Variants in SENP7 observed in about 807,000 individuals in gnomAD.
SENP7 encodes sentrin-specific protease 7.
SENP7 carries 64 observed loss-of-function variants against 141.2 expected under a neutral mutation model. The observed-to-expected ratio is 0.45, with a 90% CI of 0.37 to 0.56. The LOEUF is 0.56. Among genes scored for constraint, SENP7 ranks in the 20% least tolerant of loss-of-function variants. The probability of loss-of-function intolerance (pLI) is 0.00; values close to 1 mark genes in which losing one functional copy is unlikely to be tolerated. For missense variants in SENP7, 1,025 were observed against 1,212.2 expected, an observed-to-expected ratio of 0.85 and a Z score of 2.29; for synonymous variants, 382 against 426.4, an observed-to-expected ratio of 0.90 and a Z score of 1.28.
chr3:101,455,527 A>G (rs918066157), intron 4 of SENP7, among the ~76,000 whole-genome samples: 12 of 152,136 alleles, frequency 7.9e-5, no homozygotes, highest in Non-Finnish European at 1.8e-4. Flanking sequence ...GAAGAACAGC[A>G]TAATTTGATT....
chr3:101,510,919 G>A (rs926769736), intron 1 of SENP7, among the ~76,000 whole-genome samples: 5 of 150,064 alleles, frequency 3.3e-5, no homozygotes, highest in African/African-American at 1.2e-4. Flanking sequence ...GCAACTGCAT[G>A]CCTACAACCA....
intron 2 of SENP7, among the ~76,000 whole-genome samples, chr3:101,500,375 C>A (rs1419055385): frequency 2.6e-5 from 4 of 152,026 alleles, no homozygotes; most frequent in Non-Finnish European, 4.4e-5. Context: ...GGCAACATAG[C>A]AAGACCCCTG....
At chr3:101,373,935 A>G (rs773958871) in intron 6 of SENP7, among the ~76,000 whole-genome samples, 9 of 152,222 alleles carry the variant, frequency 5.9e-5, no homozygotes, top group Admixed American at 2.0e-4. Context: ...GTTCCTGAAC[A>G]AGAAATATAA....
intron 5 of SENP7, among the ~76,000 whole-genome samples, chr3:101,413,356 T>C (rs769131841): frequency 6.6e-6 from 1 of 152,182 alleles, no homozygotes; most frequent in Non-Finnish European, 1.5e-5. Context: ...TTTCCTTATT[T>C]GACGCTTGTA....
At chr3:101,378,572 T>C (rs1251168055) in intron 6 of SENP7, among the ~76,000 whole-genome samples, 2 of 151,956 alleles carry the variant, frequency 1.3e-5, no homozygotes, top group Non-Finnish European at 2.9e-5. Context: ...ACAACTACAA[T>C]AGGTGTAGCA....
intron 10 of SENP7, 94 bp downstream of exon 10, chr3:101,364,740 T>A (rs1157479803): frequency 1.1e-6 from 1 of 929,124 alleles, no homozygotes; most frequent in Non-Finnish European, 1.6e-6. Context: ...TTTGTAATTT[T>A]CATTACAATA....
intron 3 of SENP7, among the ~76,000 whole-genome samples, chr3:101,484,452 G>A (rs1038337715): frequency 7.9e-5 from 12 of 152,110 alleles, no homozygotes; most frequent in African/African-American, 2.9e-4. Flanking sequence ...TTTAGCCCCA[G>A]ATCGACAGCA....
At chr3:101,431,508 CTTTTTTTTTTT>C (rs56937965) in intron 4 of SENP7, among the ~76,000 whole-genome samples, 1 of 82,908 alleles carries the variant, frequency 1.2e-5, no homozygotes, top group Non-Finnish European at 2.2e-5. Flanking sequence ...GCAACCCCTG[CTTTTTTTTTTT>C]TTTTTTTTTT....
At chr3:101,409,057 A>G (rs912345396) in intron 5 of SENP7, among the ~76,000 whole-genome samples, 2 of 152,220 alleles carry the variant, frequency 1.3e-5, no homozygotes, top group African/African-American at 4.8e-5. Context: ...GAAAACTCCT[A>G]GAACTGATAA....
chr3:101,399,830 T>C (rs2061081048), intron 5 of SENP7, among the ~76,000 whole-genome samples: 1 of 152,190 alleles, frequency 6.6e-6, no homozygotes, highest in Admixed American at 6.5e-5. Flanking sequence ...CTCATTATGT[T>C]GTCCAGGCTG....
At position 101,340,558 on chromosome 3, in the gene SENP7, A is replaced by G. The variant is rs2059302894; in HGVS notation, c.2241-347T>C. 1.7e-5 allele frequency: 3 copies of G among 180,340 alleles called. No homozygotes were observed. The South Asian group carries it at 4.2e-4, about 25-fold the overall frequency. The allele number at this position is 180,340 out of a possible 1,614,324, so 11.2% of individuals were successfully genotyped here. ...ATAATTTTTAACTTTGAATAAACTG[A>G]TGTAATAAAATATAGCTTTTCCTTT... On this transcript the variant is annotated intron_variant, in intron 15 of 23. Transcript: ENST00000394095.
intron 11 of SENP7, 25 bp from the exon 12 acceptor site, chr3:101,351,676 CAAT>C (rs750243655): frequency 3.0e-6 from 4 of 1,323,630 alleles, no homozygotes; most frequent in African/African-American, 1.5e-5. Context: ...AAAAAGCAAA[CAAT>C]GAGTTACCAC....
chr3:101,455,827 C>G (rs1317449520), intron 4 of SENP7, among the ~76,000 whole-genome samples: 1 of 152,164 alleles, frequency 6.6e-6, no homozygotes, highest in East Asian at 1.9e-4. Context: ...TCATCATGTT[C>G]TATCCCACCT....
At chr3:101,388,255 C>T (rs2060715999) in intron 6 of SENP7, among the ~76,000 whole-genome samples, 1 of 152,100 alleles carries the variant, frequency 6.6e-6, no homozygotes, top group Admixed American at 6.6e-5. Context: ...CCAGCACATC[C>T]AGCCTGCCAC....
chr3:101,482,955 G>A (rs570617072), intron 3 of SENP7, among the ~76,000 whole-genome samples: 1 of 152,290 alleles, frequency 6.6e-6, no homozygotes, highest in East Asian at 1.9e-4. Flanking sequence ...AACAACGAAT[G>A]CTGGCAAGGC....
intron 5 of SENP7, chr3:101,414,455 C>T (rs1288900215): frequency 1.4e-6 from 2 of 1,383,202 alleles, no homozygotes; most frequent in Admixed American, 1.7e-5. Flanking sequence ...GACCACCTGG[C>T]CCAGTGTACC....
rs114879596 is a variant in SENP7, at chr3:101,436,545, G to T, written c.285-18755C>A. ...CCATCTGACAAGGGATCAATAACCA[G>T]AATATACAAAGAGTCCAAACAACCC... On this transcript the variant is annotated intron_variant, in intron 4 of 23. Transcript: ENST00000394095. 6.7e-3 allele frequency among the ~76,000 whole-genome samples: 1,019 copies of T among 151,996 alleles called. 11 individuals are homozygous for T. Among genetic ancestry groups the T allele is most frequent in the African/African-American group, 0.022 (928 of 41,462 alleles).
At chr3:101,503,784 A>G (rs1033150003) in intron 1 of SENP7, among the ~76,000 whole-genome samples, 6 of 152,024 alleles carry the variant, frequency 3.9e-5, no homozygotes, top group Non-Finnish European at 8.8e-5. Flanking sequence ...CGTCTGCATA[A>G]AAAAGTACAA....
chr3:101,509,095 GA>G (rs1309394843), intron 1 of SENP7, among the ~76,000 whole-genome samples: 10 of 151,002 alleles, frequency 6.6e-5, no homozygotes, highest in African/African-American at 2.2e-4. Flanking sequence ...TTTCTTCTGG[GA>G]CCTCACTCCA....
Sources: gnomAD v4.1 joint callset for allele counts (sites outside exome capture counted in the v4.1 genomes callset) on GRCh38, gnomAD v4.1.1 for gene constraint, MANE v1.5 for transcripts, NCBI Gene and HGNC (gene_info 2026-07-23, HGNC 2026-07-21) for gene names.